RAD51: variants seen among roughly 807,000 people sequenced by gnomAD.
RAD51 encodes DNA repair protein RAD51 homolog 1.
A neutral mutation model predicts 41.5 loss-of-function variants in RAD51; 14 were observed. The ratio of observed to expected loss-of-function variants is 0.34; its 90% CI spans 0.22 to 0.53. RAD51 has a LOEUF of 0.53. RAD51 is among the 20% of genes least tolerant of loss of function. RAD51 has a pLI of 0.95. For missense variants in RAD51, 234 were observed against 422.0 expected (o/e 0.55, Z 3.90); for synonymous variants, 136 against 148.6 (o/e 0.92, Z 0.62).
chr15:40,729,683 A>T, intron 8 of RAD51, 49 bp downstream of exon 8: 3 of 1,612,768 alleles, frequency 1.9e-6, no homozygotes, highest in South Asian at 1.1e-5. Context: ...GTGGCTGTGA[A>T]TTCCAGGAGC....
intron 6 of RAD51, among the ~76,000 whole-genome samples, chr15:40,727,092 T>C (rs1896626761): frequency 6.6e-6 from 1 of 151,952 alleles, no homozygotes. Flanking sequence ...TTATAGCAAA[T>C]AGATAATCTC....
At chr15:40,707,715 G>GTTC (rs1456513454) in intron 4 of RAD51, among the ~76,000 whole-genome samples, 2 of 150,166 alleles carry the variant, frequency 1.3e-5, no homozygotes, top group African/African-American at 2.5e-5. Flanking sequence ...TGTTGTTGTT[G>GTTC]GTTTGTTTGT....
chr15:40,701,247 A>G lies in RAD51; in HGVS notation c.225+46A>G, dbSNP rs45559235. 6.3e-4 allele frequency: 1,000 copies of G among 1,598,488 alleles called. 4 individuals are homozygous for G. The highest frequency in any genetic ancestry group is 4.5e-3 in the South Asian group (412 of 90,708). On this transcript the variant is annotated intron_variant, in intron 3 of 9. Transcript: ENST00000267868. ...CTAGGGAGGCATTAGTGGGAATAGT[A>G]CAAAAGGGAATGTAGTGAAAGACTT...
intron 5 of RAD51, among the ~76,000 whole-genome samples, chr15:40,717,555 A>G (rs1005857152): frequency 6.6e-6 from 1 of 152,186 alleles, no homozygotes; most frequent in Non-Finnish European, 1.5e-5. Context: ...TGAGTGGCTC[A>G]TAAGACAGTT....
chr15:40,716,628 G>A (rs1173244015), intron 5 of RAD51, among the ~76,000 whole-genome samples: 1 of 148,184 alleles, frequency 6.7e-6, no homozygotes. Flanking sequence ...GATTACAGGT[G>A]TGAGCCCCCA....
intron 5 of RAD51, among the ~76,000 whole-genome samples, chr15:40,716,435 C>T (rs188982690): frequency 9.2e-5 from 14 of 151,828 alleles, no homozygotes; most frequent in African/African-American, 2.9e-4. Flanking sequence ...GGCATGATAT[C>T]GCTCACTGCA....
intron 3 of RAD51, among the ~76,000 whole-genome samples, chr15:40,705,179 G>A (rs1475418612): frequency 3.3e-5 from 5 of 152,156 alleles, no homozygotes; most frequent in Admixed American, 3.3e-4. Context: ...GAGCCCATAC[G>A]TTTTGGTATA....
intron 9 of RAD51, among the ~76,000 whole-genome samples, chr15:40,730,520 C>CTTTTTTTTTTTTTCTTTTCTT (rs1555429746): frequency 1.5e-4 from 17 of 113,066 alleles, no homozygotes; most frequent in South Asian, 9.9e-4. Flanking sequence ...AATTTTTTTT[C>CTTTTTTTTTTTTTCTTTTCTT]TTTTTTTTTT....
rs1167691138 is a variant in RAD51, at chr15:40,729,978, A to G, written c.896+4A>G. On this transcript the variant is annotated splice_donor_region_variant and intron_variant, in intron 9 of 9. Coordinates refer to ENST00000267868, the MANE Select transcript of RAD51 (RefSeq NM_002875.5). ...TCGCCCATGCATCAACAACCAGGTA[A>G]GGTGTTGATGGGATCAGTTCTTCTT... 1.9e-6 allele frequency: 3 copies of G among 1,613,838 alleles called. No individual in the cohort carries two copies. Among genetic ancestry groups the G allele is most frequent in the Admixed American group, 1.7e-5 (1 of 59,998 alleles).
chr15:40,698,630 G>T (rs776335617), intron 1 of RAD51, 127 bp from the exon 2 acceptor site: 3 of 835,514 alleles, frequency 3.6e-6, no homozygotes, highest in Non-Finnish European at 6.0e-6. Context: ...GAACAGAGAG[G>T]CACAATAAGA....
chr15:40,705,169 G>A (rs534923931), intron 3 of RAD51, among the ~76,000 whole-genome samples: 1 of 152,252 alleles, frequency 6.6e-6, no homozygotes, highest in East Asian at 1.9e-4. Flanking sequence ...GCTTTTCTTG[G>A]AGCCCATACG....
chr15:40,731,261 C>A lies in RAD51; in HGVS notation c.*83C>A, dbSNP rs1896864401. 6.4e-7 allele frequency: 1 copy of A among 1,571,846 alleles called. No homozygotes were observed. Among genetic ancestry groups the A allele is most frequent in the East Asian group, 2.2e-5 (1 of 44,610 alleles). ...CTGCTCCCTGGGGTTCTCTACAGGC[C>A]TCTTCCTGTTGTGACTGCCAGGATA... On this transcript the variant is annotated 3_prime_UTR_variant, in exon 10 of 10. Transcript: ENST00000267868.
At chr15:40,727,086 A>G (rs1896626491) in intron 6 of RAD51, among the ~76,000 whole-genome samples, 1 of 152,022 alleles carries the variant, frequency 6.6e-6, no homozygotes, top group African/African-American at 2.4e-5. Context: ...CTGTTTTTAT[A>G]GCAAATAGAT....
chr15:40,696,971 A>G (rs1358051808), intron 1 of RAD51, among the ~76,000 whole-genome samples: 2 of 152,152 alleles, frequency 1.3e-5, no homozygotes, highest in African/African-American at 2.4e-5. Context: ...AGTTCTTTAT[A>G]TACTGGTTAT....
intron 3 of RAD51, among the ~76,000 whole-genome samples, chr15:40,703,975 C>G (rs559917329): frequency 2.6e-5 from 4 of 152,234 alleles, no homozygotes; most frequent in African/African-American, 9.6e-5. Flanking sequence ...GTGATCATAG[C>G]TCACTGCAGC....
intron 6 of RAD51, among the ~76,000 whole-genome samples, chr15:40,728,431 G>A (rs865803560): frequency 6.6e-6 from 1 of 151,484 alleles, no homozygotes. Context: ...CAGCCTGGGT[G>A]ACAGAGCAAG....
At chr15:40,700,515 T>C (rs1049734640) in intron 2 of RAD51, among the ~76,000 whole-genome samples, 3 of 152,198 alleles carry the variant, frequency 2.0e-5, no homozygotes, top group African/African-American at 7.2e-5. Context: ...AGTGGTCTTG[T>C]AGGGCCCAAG....
chr15:40,707,867 G>A (rs565279223), intron 4 of RAD51, among the ~76,000 whole-genome samples: 66 of 151,986 alleles, frequency 4.3e-4, no homozygotes, highest in African/African-American at 1.5e-3. Context: ...ACAGGCACCC[G>A]CCACCGTGCC....
chr15:40,721,116 G>A (rs1896247379), intron 6 of RAD51, among the ~76,000 whole-genome samples: 1 of 152,230 alleles, frequency 6.6e-6, no homozygotes, highest in African/African-American at 2.4e-5. Context: ...CAGGGAGGCA[G>A]AAGTTGCAGT....
Sources: allele counts gnomAD v4.1 joint callset (sites outside exome capture counted in the v4.1 genomes callset), GRCh38; gene constraint gnomAD v4.1.1; transcripts MANE v1.5; gene names NCBI Gene and HGNC (gene_info 2026-07-23, HGNC 2026-07-21).